The following FTO variants were observed in gnomAD, a reference collection of about 807,000 sequenced individuals.
FTO encodes FTO alpha-ketoglutarate dependent dioxygenase.
Under a neutral mutation model 63.9 loss-of-function variants are expected in FTO, and 47 were observed. That is an observed-to-expected ratio of 0.74 (90% CI 0.58 to 0.94). The LOEUF (loss-of-function observed/expected upper bound fraction) is 0.94. FTO is among the 40% of genes least tolerant of loss of function. FTO has a pLI of 0.00. For synonymous variants in FTO, 207 were observed against 224.4 expected, an observed-to-expected ratio of 0.92 and a Z score of 0.69; for missense variants, 562 against 618.1, an observed-to-expected ratio of 0.91 and a Z score of 0.96.
chr16:53,735,269 G>T (rs1040599855), intron 1 of FTO, among the ~76,000 whole-genome samples: 1 of 152,212 alleles, frequency 6.6e-6, no homozygotes, highest in Non-Finnish European at 1.5e-5. Context: ...CATTTAATTA[G>T]CACTGACAGT....
At chr16:53,898,880 G>A (rs1012477073) in intron 7 of FTO, among the ~76,000 whole-genome samples, 2 of 152,080 alleles carry the variant, frequency 1.3e-5, no homozygotes, top group African/African-American at 4.8e-5. Flanking sequence ...TTGCTGTGTT[G>A]ACCAGGCTGG....
chr16:53,914,650 T>C, intron 7 of FTO, among the ~76,000 whole-genome samples: 1 of 152,174 alleles, frequency 6.6e-6, no homozygotes, highest in East Asian at 1.9e-4. Flanking sequence ...GCTTTGTGTT[T>C]AAGGATAGGT....
intron 1 of FTO, among the ~76,000 whole-genome samples, chr16:53,733,839 T>G (rs1269296942): frequency 6.6e-6 from 1 of 152,216 alleles, no homozygotes; most frequent in Non-Finnish European, 1.5e-5. Context: ...TTTTAAATCT[T>G]AAAATGTAAC....
chr16:53,838,005 T>C (rs2079352792), intron 3 of FTO, among the ~76,000 whole-genome samples: 1 of 152,206 alleles, frequency 6.6e-6, no homozygotes, highest in African/African-American at 2.4e-5. Context: ...CAGCTGGGAA[T>C]TGATTGTGCT....
chr16:53,994,374 G>C (rs1203602139), intron 8 of FTO: 1 of 151,574 alleles, frequency 6.6e-6, no homozygotes, highest in East Asian at 1.9e-4. Context: ...TAAGGGATAG[G>C]GTCTCACTCT....
intron 1 of FTO, among the ~76,000 whole-genome samples, chr16:53,763,145 G>A (rs16952517): frequency 0.14 from 21,657 of 152,058 alleles, 1,638 homozygotes; most frequent in East Asian, 0.28. Context: ...GTTTATCCCG[G>A]CTAATATAGA....
At chr16:54,030,629 C>T (rs1267292719) in intron 8 of FTO, among the ~76,000 whole-genome samples, 1 of 145,478 alleles carries the variant, frequency 6.9e-6, no homozygotes, top group Non-Finnish European at 1.5e-5. Flanking sequence ...AAAACCAGAC[C>T]AACCAGTTTT....
chr16:53,923,681 ATT>A lies in FTO; in HGVS notation c.1240-10294_1240-10293del, dbSNP rs200723135. 2.8e-5 allele frequency among the ~76,000 whole-genome samples: 4 copies of A among 142,126 alleles called. No individual in the cohort carries two copies. The East Asian group carries it at 8.0e-4, about 28-fold the overall frequency. The allele number at this position is 142,126 out of a possible 152,430, so 93.2% of individuals were successfully genotyped here. On this transcript the variant is annotated intron_variant, in intron 7 of 8. Transcript: ENST00000471389. Reference sequence around the variant, plus strand: ...TCTCCCCCACTTTTTCTTTCTTTCTATTTTTTTTTTTCTTTCCTTGACAAGTA... The same window carrying A: ...TCTCCCCCACTTTTTCTTTCTTTCTATTTTTTTTTCTTTCCTTGACAAGTA...
chr16:54,050,159 C>G (rs779754015), intron 8 of FTO, among the ~76,000 whole-genome samples: 2 of 152,006 alleles, frequency 1.3e-5, no homozygotes, highest in African/African-American at 4.8e-5. Flanking sequence ...GAGCTTTGAC[C>G]CTGATTTTAA....
In FTO at chr16:53,749,048, G is replaced by A. The variant is rs570434169; in HGVS notation, c.45+44819G>A. Among the ~76,000 whole-genome samples, 329 of 152,084 alleles carry A rather than the reference G, an allele frequency of 2.2e-3. 1 individual carries two copies. Among genetic ancestry groups the A allele is most frequent in the African/African-American group, 7.7e-3 (318 of 41,494 alleles). ...CCCAAAGTGCTGGGATTACAGGCAT[G>A]AGCCACCGTGCCCAGCCTTGTAGCT... On this transcript the variant is annotated intron_variant, in intron 1 of 8. Transcript: ENST00000471389.
chr16:53,959,159 A>G (rs1355225229), intron 8 of FTO, among the ~76,000 whole-genome samples: 1 of 152,240 alleles, frequency 6.6e-6, no homozygotes, highest in African/African-American at 2.4e-5. Flanking sequence ...ACGTGGAGCC[A>G]AAAGATGTCA....
chr16:54,026,817 C>T (rs1278737060), intron 8 of FTO, among the ~76,000 whole-genome samples: 1 of 152,202 alleles, frequency 6.6e-6, no homozygotes, highest in Admixed American at 6.5e-5. Context: ...TTGCCCAAAA[C>T]ATTCACAACA....
chr16:53,938,648 G>C (rs2082448168), intron 8 of FTO, among the ~76,000 whole-genome samples: 1 of 152,242 alleles, frequency 6.6e-6, no homozygotes, highest in African/African-American at 2.4e-5. Context: ...GGATGAGAAT[G>C]TAGAAAGTTC....
In FTO at chr16:54,070,836, C is replaced by T. The variant is rs539847756; in HGVS notation, c.1365-40926C>T. 3 of 152,296 alleles carry T rather than the reference C, an allele frequency of 2.0e-5. No homozygotes were observed. The South Asian group carries it at 6.2e-4, about 32-fold the overall frequency. 9.4% of individuals were successfully genotyped at this position (152,296 alleles called of 1,614,324 possible). ...TCATTGTAGTTTAATTGGACTCAAACTCGGCAAGAGGGGCTGCTGAAAGCT... is the reference window on the plus strand; with the variant it reads ...TCATTGTAGTTTAATTGGACTCAAATTCGGCAAGAGGGGCTGCTGAAAGCT... On this transcript the variant is annotated intron_variant, in intron 8 of 8. Coordinates refer to ENST00000471389, the MANE Select transcript of FTO (RefSeq NM_001080432.3).
intron 8 of FTO, among the ~76,000 whole-genome samples, chr16:54,048,595 T>C (rs1404969053): frequency 6.6e-6 from 1 of 152,206 alleles, no homozygotes; most frequent in Admixed American, 6.5e-5. Flanking sequence ...ATGTTACTTA[T>C]TGTTTTGGGT....
At chr16:53,849,820 T>C (rs2079734216) in intron 4 of FTO, among the ~76,000 whole-genome samples, 1 of 152,320 alleles carries the variant, frequency 6.6e-6, no homozygotes, top group African/African-American at 2.4e-5. Flanking sequence ...GTTTAGACTC[T>C]TAAGCGGGGG....
intron 7 of FTO, among the ~76,000 whole-genome samples, chr16:53,899,462 C>G (rs1178267901): frequency 6.6e-6 from 1 of 152,198 alleles, no homozygotes; most frequent in Non-Finnish European, 1.5e-5. Context: ...GCAGCATGGA[C>G]TGGACAGGTT....
intron 1 of FTO, among the ~76,000 whole-genome samples, chr16:53,705,604 C>A (rs1341800236): frequency 3.9e-5 from 6 of 152,200 alleles, no homozygotes; most frequent in Admixed American, 1.3e-4. Context: ...AATATAAAAT[C>A]TGCTCTATAT....
intron 8 of FTO, among the ~76,000 whole-genome samples, chr16:53,958,213 C>G (rs912097047): frequency 2.6e-5 from 4 of 152,196 alleles, no homozygotes; most frequent in Non-Finnish European, 5.9e-5. Flanking sequence ...AATCGGCCCA[C>G]TTAGAGAAGG....
Sources: gnomAD v4.1 joint callset for allele counts (sites outside exome capture counted in the v4.1 genomes callset) on GRCh38, gnomAD v4.1.1 for gene constraint, MANE v1.5 for transcripts, NCBI Gene and HGNC (gene_info 2026-07-23, HGNC 2026-07-21) for gene names.